The following MITD1 variants were observed in gnomAD, a reference collection of about 807,000 sequenced individuals.
MITD1 encodes the protein MIT domain-containing protein 1.
Under a neutral mutation model 34.9 loss-of-function variants are expected in MITD1, and 24 were observed. That is an observed-to-expected ratio of 0.69 (90% CI 0.50 to 0.97). The LOEUF (loss-of-function observed/expected upper bound fraction) is 0.97, where lower values mean the gene tolerates loss of function less well. Among genes scored for constraint, MITD1 ranks in the 50% least tolerant of loss-of-function variants. MITD1 has a pLI of 0.00. For synonymous variants in MITD1, 102 were observed against 101.4 expected (o/e 1.01, Z -0.04); for missense variants, 266 against 294.6 (o/e 0.90, Z 0.71).
intron 1 of MITD1, among the ~76,000 whole-genome samples, chr2:99,175,940 T>C (rs1026771433): frequency 5.9e-5 from 9 of 152,170 alleles, no homozygotes; most frequent in Non-Finnish European, 1.3e-4. Context: ...AGGATTTTTT[T>C]GTTTCATTTT....
At chr2:99,175,252 G>C (rs2093880954) in intron 1 of MITD1, among the ~76,000 whole-genome samples, 1 of 152,148 alleles carries the variant, frequency 6.6e-6, no homozygotes, top group Non-Finnish European at 1.5e-5. Context: ...TCCCACTAAT[G>C]AAAGTTTGCT....
intron 2 of MITD1, chr2:99,173,606 C>T (rs756984288): frequency 4.3e-6 from 2 of 463,154 alleles, no homozygotes; most frequent in Non-Finnish European, 8.3e-6. Flanking sequence ...CACACATAAG[C>T]TTCATAGGGA....
chr2:99,164,003 G>A (rs912923531), intron 7 of MITD1, among the ~76,000 whole-genome samples: 3 of 151,932 alleles, frequency 2.0e-5, no homozygotes, highest in Non-Finnish European at 2.9e-5. Context: ...TTCTACCATA[G>A]CCACTTTTTA....
intron 1 of MITD1, among the ~76,000 whole-genome samples, chr2:99,175,292 G>C (rs552959227): frequency 1.3e-5 from 2 of 152,170 alleles, no homozygotes; most frequent in Non-Finnish European, 2.9e-5. Context: ...ATTGCATTTA[G>C]TTATGTGTCC....
Position 99,163,157 on chromosome 2 carries a change from A to T in MITD1, c.*4-939T>A, listed in dbSNP as rs1172639355. The T allele has an allele frequency of 4.1e-6, 4 of 987,598 alleles. No individual in the cohort carries two copies. The African/African-American group carries it at 6.6e-5, about 16-fold the overall frequency. The allele number at this position is 987,598 out of a possible 1,614,324, so 61.2% of individuals were successfully genotyped here. A position where few individuals can be genotyped will look rare whatever the true frequency, so the allele number is the denominator to read the frequency against. On this transcript the variant is annotated intron_variant, in intron 7 of 7. Transcript: ENST00000422537. Reference sequence around the variant, plus strand: ...CTTGCACATTGTATGTCAAAAAAAAACCTAGTCTCTTTTAGTAACGTCAAA... The same window carrying T: ...CTTGCACATTGTATGTCAAAAAAAATCCTAGTCTCTTTTAGTAACGTCAAA...
At chr2:99,163,903 C>T (rs2093814478) in intron 7 of MITD1, among the ~76,000 whole-genome samples, 2 of 152,142 alleles carry the variant, frequency 1.3e-5, no homozygotes, top group African/African-American at 4.8e-5. Context: ...CCTAATCTCT[C>T]CTTGCATCAT....
chr2:99,162,831 T>C, intron 7 of MITD1: 1 of 1,613,826 alleles, frequency 6.2e-7, no homozygotes, highest in Non-Finnish European at 8.5e-7. Flanking sequence ...ATATGAACAG[T>C]CACACTTGGA....
intron 6 of MITD1, 25 bp from the exon 7 acceptor site, chr2:99,169,495 A>G: frequency 6.2e-7 from 1 of 1,605,404 alleles, no homozygotes; most frequent in African/African-American, 1.3e-5. Flanking sequence ...AAAGAGTATC[A>G]TTAAAAATGA....
intron 7 of MITD1, chr2:99,162,268 G>T: frequency 6.2e-7 from 1 of 1,612,890 alleles, no homozygotes; most frequent in Non-Finnish European, 8.5e-7. Flanking sequence ...AGTGGAGGAG[G>T]AACAGTCTAC....
At chr2:99,164,483 C>T (rs1342926565), downstream of MITD1, among the ~76,000 whole-genome samples, 1 of 152,220 alleles carries the variant, frequency 6.6e-6, no homozygotes, top group Non-Finnish European at 1.5e-5. Flanking sequence ...CCATGCCCAG[C>T]TCCCTCTGTT....
chr2:99,170,941 G>A (rs577069199), intron 4 of MITD1: 3 of 262,596 alleles, frequency 1.1e-5, no homozygotes, highest in Admixed American at 4.8e-5. Flanking sequence ...GAAATCAATC[G>A]TAGAAATCAT....
At chr2:99,173,597 AC>A in intron 2 of MITD1, 1 of 468,282 alleles carries the variant, frequency 2.1e-6, no homozygotes. Flanking sequence ...CATAGGGTCC[AC>A]ACATAAGCTT....
chr2:99,166,486 G>GAAA (rs367705088), downstream of MITD1, among the ~76,000 whole-genome samples: 6,958 of 116,752 alleles, frequency 0.06, 346 homozygotes, highest in East Asian at 0.16. Context: ...GAGGAAATAA[G>GAAA]AAAAAAAAAA....
intron 1 of MITD1, chr2:99,178,268 T>G (rs1386745099): frequency 6.6e-6 from 1 of 152,226 alleles, no homozygotes; most frequent in Non-Finnish European, 1.5e-5. Context: ...TCCATACTGT[T>G]TTCTATAATG....
At chr2:99,166,682 C>T (rs972017229), downstream of MITD1, among the ~76,000 whole-genome samples, 7 of 151,260 alleles carry the variant, frequency 4.6e-5, no homozygotes, top group African/African-American at 1.5e-4. Context: ...AAAAATCTGG[C>T]CATCATCCTT....
chr2:99,174,000 A>G lies in MITD1; in HGVS notation c.168T>C (p.Thr56=), dbSNP rs991762274. ...TTTTTTCTCTGAGATTACATCTCTT[A>G]GTATTATCTTTGGTACCTACAAATT... ...LQVLKGTKDN[T]KRCNLREKIS... is the part of the protein sequence containing the mutation. The change falls in exon 2 of 7, where the codon ACT becomes ACC. Residue 56 remains threonine, a synonymous_variant. Transcript: ENST00000289359. 3.9e-6 allele frequency: 6 copies of G among 1,546,450 alleles called. No homozygotes were observed. In the African/African-American group the frequency reaches 8.2e-5, roughly 21 times the overall value.
downstream of MITD1, among the ~76,000 whole-genome samples, chr2:99,166,019 G>A (rs1412212581): frequency 2.6e-5 from 4 of 152,096 alleles, no homozygotes; most frequent in East Asian, 5.8e-4. Flanking sequence ...TCTGGGTAGT[G>A]ATTCTAGATG....
At chr2:99,177,912 C>CT (rs1274807361) in intron 1 of MITD1, among the ~76,000 whole-genome samples, 4 of 152,290 alleles carry the variant, frequency 2.6e-5, no homozygotes, top group African/African-American at 9.6e-5. Flanking sequence ...ATGATATTAA[C>CT]TTTTTTAGAT....
chr2:99,171,154 C>G (rs1051245830), intron 4 of MITD1, among the ~76,000 whole-genome samples, 189 bp downstream of exon 4: 2 of 152,140 alleles, frequency 1.3e-5, no homozygotes. Flanking sequence ...GCAAAGTGGC[C>G]AAATACAAAA....
Sources: gnomAD v4.1 joint callset for allele counts (sites outside exome capture counted in the v4.1 genomes callset) on GRCh38, gnomAD v4.1.1 for gene constraint, MANE v1.5 for transcripts, NCBI Gene and HGNC (gene_info 2026-07-23, HGNC 2026-07-21) for gene names.